Variants in PNLDC1 observed in about 807,000 individuals in gnomAD.
PNLDC1 encodes PARN like ribonuclease domain containing exonuclease 1.
PNLDC1 carries 70 observed loss-of-function variants against 82.0 expected under a neutral mutation model. The ratio of observed to expected loss-of-function variants is 0.85; its 90% CI spans 0.70 to 1.04. The LOEUF (loss-of-function observed/expected upper bound fraction) is 1.04. Among genes scored for constraint, PNLDC1 ranks in the 50% least tolerant of loss-of-function variants. The probability of loss-of-function intolerance (pLI) is 0.00; values close to 1 mark genes in which losing one functional copy is unlikely to be tolerated. For synonymous variants in PNLDC1, 280 were observed against 249.3 expected (o/e 1.12, Z -1.16); for missense variants, 631 against 661.1 (o/e 0.95, Z 0.50).
intron 6 of PNLDC1, among the ~76,000 whole-genome samples, chr6:159,805,409 A>G (rs1445754382): frequency 1.3e-5 from 2 of 152,360 alleles, no homozygotes; most frequent in East Asian, 3.9e-4. Flanking sequence ...GATCTCTTCC[A>G]GATAATTCTG....
At position 159,800,760 on chromosome 6, in the gene PNLDC1, C is replaced by G. The variant is rs538424923; in HGVS notation, c.77-12C>G. 6.2e-7 allele frequency: 1 copy of G among 1,614,140 alleles called. No individual in the cohort carries two copies. Among genetic ancestry groups the G allele is most frequent in the Non-Finnish European group, 8.5e-7 (1 of 1,180,024 alleles). ...TGCACCCGAGGACTGCTATTTTTTG[C>G]CTTCCTGGCAGGTCTGGACATAGAG... On this transcript the variant is annotated splice_polypyrimidine_tract_variant and intron_variant, in intron 1 of 18. Transcript: ENST00000392167.
intron 15 of PNLDC1, among the ~76,000 whole-genome samples, chr6:159,817,744 TAGCC>T (rs1450114233): frequency 1.3e-5 from 2 of 152,260 alleles, no homozygotes; most frequent in African/African-American, 4.8e-5. Flanking sequence ...AAGTAGGACT[TAGCC>T]AGCCAGGTGA....
chr6:159,801,164 G>A lies in PNLDC1; in HGVS notation c.186G>A (p.Gln62=). The change falls in exon 3 of 19, where the codon CAG becomes CAA. Residue 62 remains glutamine, a synonymous_variant. Transcript: ENST00000392167. ...ATCTAAAGACCCGTCAGAGTGTTCA[G>A]CAATTTACAGTCTGTCAGATTGGTG... The part of the protein sequence containing the change: ...EWYLKTRQSV[Q]QFTVCQIGLS... The A allele has an allele frequency of 6.2e-7, 1 of 1,614,064 alleles. No individual in the cohort carries two copies. Among genetic ancestry groups the A allele is most frequent in the East Asian group, 2.2e-5 (1 of 44,884 alleles).
At position 159,805,988 on chromosome 6, in the gene PNLDC1, C is replaced by T. The variant is rs200077469; in HGVS notation, c.467C>T (p.Pro156Leu). 1.4e-4 allele frequency: 221 copies of T among 1,613,878 alleles called. No homozygotes were observed. The highest frequency in any genetic ancestry group is 2.0e-4 in the South Asian group (18 of 91,072). Residue 156 changes from proline to leucine, a missense_variant, in exon 7 of 19, where the codon CCG (proline) becomes CTG (leucine). Physicochemically the swap from Pro to Leu is moderately conservative, Grantham distance 98 (BLOSUM62 -3). Transcript: ENST00000392167. The stretch of plus-strand genomic sequence containing the variant: ...TTTCATGCGCCCATTTTCAGCTCTC[C>T]GGATAAAGACCAAATCAAGGTGGTG... ...LTGNWRVRSS[P>L]DKDQIKVVID...
At chr6:159,809,604 T>C (rs1324795402) in intron 9 of PNLDC1, among the ~76,000 whole-genome samples, 1 of 152,074 alleles carries the variant, frequency 6.6e-6, no homozygotes, top group Non-Finnish European at 1.5e-5. Context: ...TTCCTTCTCA[T>C]TTATAACTAG....
rs747158484 is a variant in PNLDC1, at chr6:159,811,726, T to A, written c.879T>A (p.Asn293Lys). ...AAAGCTACGATCAATTTAAGCAGAA[T>A]ATCCACAGCCTATTTCCTGTTCTCA... ...LPESYDQFKQ[N>K]IHSLFPVLID... is the part of the protein sequence containing the mutation. Residue 293 changes from asparagine to lysine, a missense_variant, in exon 11 of 19, where the codon AAT (asparagine) becomes AAA (lysine). Physicochemically the swap from Asn to Lys is moderately conservative, Grantham distance 94. Transcript: ENST00000392167. 3 of 1,613,752 alleles carry A rather than the reference T, an allele frequency of 1.9e-6. No homozygotes were observed. In the Admixed American group the frequency reaches 5.0e-5, roughly 27 times the overall value.
intron 7 of PNLDC1, among the ~76,000 whole-genome samples, chr6:159,806,337 CT>C (rs1025212129): frequency 1.3e-5 from 2 of 152,204 alleles, no homozygotes; most frequent in African/African-American, 4.8e-5. Context: ...TGAGCCATTC[CT>C]TTTATTTCAG....
intron 4 of PNLDC1, among the ~76,000 whole-genome samples, chr6:159,803,625 A>G (rs559986757): frequency 6.6e-6 from 1 of 152,288 alleles, no homozygotes; most frequent in African/African-American, 2.4e-5. Context: ...TGATGTTTAA[A>G]CTACCTGACA....
intron 14 of PNLDC1, 130 bp from the exon 15 acceptor site, chr6:159,816,979 T>G: frequency 1.1e-6 from 1 of 947,392 alleles, no homozygotes; most frequent in Non-Finnish European, 1.6e-6. Context: ...ACTTACTTTT[T>G]GTTGGCAGTA....
chr6:159,801,951 G>A (rs944548427), intron 3 of PNLDC1, among the ~76,000 whole-genome samples: 1 of 152,032 alleles, frequency 6.6e-6, no homozygotes, highest in African/African-American at 2.4e-5. Flanking sequence ...GCAGTAGCGC[G>A]ATGTGGGCTC....
chr6:159,809,985 A>G lies in PNLDC1; in HGVS notation c.784-41A>G, dbSNP rs749081128. 8.5e-6 allele frequency: 13 copies of G among 1,536,766 alleles called. No individual in the cohort carries two copies. In the African/African-American group the frequency reaches 1.6e-4, roughly 19 times the overall value. The stretch of plus-strand genomic sequence containing the variant: ...TGTTAGTCTGTAGTGTCTGGATTAC[A>G]TTTTTTTATTTTCTCTCACCTGTTG... On this transcript the variant is annotated intron_variant, in intron 9 of 18. Coordinates refer to ENST00000392167, the MANE Select transcript of PNLDC1 (RefSeq NM_001271862.2).
At chr6:159,813,511 G>A in intron 11 of PNLDC1, 90 bp from the exon 12 acceptor site, 2 of 1,152,470 alleles carry the variant, frequency 1.7e-6, no homozygotes, top group Non-Finnish European at 2.6e-6. Flanking sequence ...GCATTTTCCA[G>A]GCCATTTTAA....
intron 3 of PNLDC1, 94 bp from the exon 4 acceptor site, chr6:159,803,177 G>A (rs1436515946): frequency 5.2e-6 from 6 of 1,159,238 alleles, no homozygotes; most frequent in Admixed American, 3.5e-5. Context: ...TAGTATCTGT[G>A]GGCGCAAAGT....
intron 2 of PNLDC1, 119 bp downstream of exon 2, chr6:159,800,948 T>G: frequency 6.8e-7 from 1 of 1,467,054 alleles, no homozygotes; most frequent in Non-Finnish European, 9.4e-7. Context: ...TCCTACGTGT[T>G]GGAGGACCTT....
At position 159,818,990 on chromosome 6, in the gene PNLDC1, C is replaced by G; in HGVS notation, c.1302C>G (p.Leu434=). Residue 434 remains leucine (L), a synonymous_variant, in exon 17 of 19, where the codon CTC becomes CTG. Transcript: ENST00000392167. ...ATCCCAGTATCCGACCTCCCATCCT[C>G]ATCCTCAGCGTCAAAAGGTGGCCTG... ...PDYPSIRPPI[L]ILSVKRWPGV... The G allele has an allele frequency of 6.2e-7, 1 of 1,614,090 alleles. No homozygotes were observed. The highest frequency in any genetic ancestry group is 8.5e-7 in the Non-Finnish European group (1 of 1,180,012).
intron 3 of PNLDC1, among the ~76,000 whole-genome samples, chr6:159,801,521 A>T (rs1216696280): frequency 2.6e-5 from 4 of 152,146 alleles, no homozygotes; most frequent in Admixed American, 2.0e-4. Flanking sequence ...GTCTTAGCTC[A>T]CTGCAGCCTA....
At position 159,819,223 on chromosome 6, in the gene PNLDC1, C is replaced by T; in HGVS notation, c.1434-31C>T. On this transcript the variant is annotated intron_variant, in intron 17 of 18. Transcript: ENST00000392167. This position sits in a 1 kb window ranked among gnomAD's most constrained non-coding sequence, Gnocchi z 4.6. ...ACAGCAGGCGGCGCCATCCTGCTGC[C>T]TGGCTGACCACAGCAAACTTGTTTT... 6.2e-7 allele frequency: 1 copy of T among 1,612,896 alleles called. No individual in the cohort carries two copies. The highest frequency in any genetic ancestry group is 8.5e-7 in the Non-Finnish European group (1 of 1,179,380).
intron 14 of PNLDC1, among the ~76,000 whole-genome samples, chr6:159,816,855 G>A (rs1781851421): frequency 1.3e-5 from 2 of 152,002 alleles, no homozygotes; most frequent in Admixed American, 6.6e-5. Flanking sequence ...TGTAGAGATG[G>A]GGTTTCACCA....
chr6:159,817,093 C>CT lies in PNLDC1; in HGVS notation c.1115-10dup, dbSNP rs751994897. The CT allele has an allele frequency of 5.5e-5, 88 of 1,608,608 alleles. No individual in the cohort carries two copies. The Middle Eastern group carries it at 9.9e-4, about 18-fold the overall frequency. On this transcript the variant is annotated splice_polypyrimidine_tract_variant and intron_variant, in intron 14 of 18. Coordinates refer to ENST00000392167, the MANE Select transcript of PNLDC1 (RefSeq NM_001271862.2). ...TTGATAAGCTCTATTGCATTTCTGT[C>CT]TTTTTTCCTTCCTAGTTCTTTTGAA... is the stretch of plus-strand genomic sequence containing the variant.
Sources: gnomAD v4.1 joint callset for allele counts (sites outside exome capture counted in the v4.1 genomes callset) on GRCh38, gnomAD v4.1.1 for gene constraint, Gnocchi (gnomAD v3.1) non-coding constraint, MANE v1.5 for transcripts, NCBI Gene and HGNC (gene_info 2026-07-23, HGNC 2026-07-21) for gene names.